The following PCDH17 variants were observed in gnomAD, a reference collection of about 807,000 sequenced individuals.
The protein encoded by PCDH17 is protocadherin-17.
Under a neutral mutation model 67.7 loss-of-function variants are expected in PCDH17, and 21 were observed. The ratio of observed to expected loss-of-function variants is 0.31; its 90% CI spans 0.22 to 0.45. The LOEUF (loss-of-function observed/expected upper bound fraction) is 0.45. Ranked by LOEUF, PCDH17 falls within the 20% of genes least tolerant of loss-of-function variation. The pLI, the probability that PCDH17 is intolerant of heterozygous loss-of-function variation, is 1.00. For synonymous variants in PCDH17, 701 were observed against 656.7 expected (o/e 1.07, Z -1.03); for missense variants, 1,471 against 1,564.8 (o/e 0.94, Z 1.01).
At chr13:57,718,162 T>A (rs1955838987) in intron 3 of PCDH17, among the ~76,000 whole-genome samples, 1 of 152,074 alleles carries the variant, frequency 6.6e-6, no homozygotes, top group African/African-American at 2.4e-5. Context: ...ATAGCTTAGC[T>A]AAGCAAGGGA....
chr13:57,682,369 A>G (rs551821603), intron 3 of PCDH17, among the ~76,000 whole-genome samples: 2 of 151,856 alleles, frequency 1.3e-5, no homozygotes, highest in East Asian at 3.9e-4. Flanking sequence ...AGGTGGTCAC[A>G]TGTATTCTCT....
intron 3 of PCDH17, among the ~76,000 whole-genome samples, chr13:57,710,986 A>G (rs1338194392): frequency 6.6e-6 from 1 of 151,968 alleles, no homozygotes; most frequent in African/African-American, 2.4e-5. Context: ...GTGCATGCAC[A>G]CACACACACA....
intron 3 of PCDH17, among the ~76,000 whole-genome samples, chr13:57,698,535 C>T (rs1225809664): frequency 6.6e-6 from 1 of 151,900 alleles, no homozygotes; most frequent in African/African-American, 2.4e-5. Flanking sequence ...TATTCCTGCT[C>T]ATGTTACTGA....
Position 57,634,968 on chromosome 13 carries a change from T to C in PCDH17, c.2422T>C (p.Ser808Pro). 1 of 1,613,826 alleles carries C rather than the reference T, an allele frequency of 6.2e-7. No individual in the cohort carries two copies. The highest frequency in any genetic ancestry group is 8.5e-7 in the Non-Finnish European group (1 of 1,179,994). Residue 808 changes from serine to proline, a missense_variant, in exon 1 of 4, where the codon TCG (serine) becomes CCG (proline). Around this residue, in one of 3 missense-constraint regions of PCDH17, gnomAD observed 1,163 missense variants for 1,230.0 expected, o/e 0.95. Transcript: ENST00000377918. The surrounding 1 kb of genome is among the most constrained non-coding windows in gnomAD (Gnocchi z 7.8). ...FDYQTRLPLS[S>P]PRSEVMYLKP... is the part of the protein sequence containing the mutation. ...CTACCAGACCCGCCTGCCCCTCAGCTCGCCCCGGTCGGAGGTGATGTATCT... is the reference window on the plus strand; with the variant it reads ...CTACCAGACCCGCCTGCCCCTCAGCCCGCCCCGGTCGGAGGTGATGTATCT...
At position 57,683,869 on chromosome 13, in the gene PCDH17, C is replaced by T. The variant is rs549817678; in HGVS notation, c.2797+17036C>T. On this transcript the variant is annotated intron_variant, in intron 3 of 3. Transcript: ENST00000377918. Reference sequence around the variant, plus strand: ...AAAACCATCAATTTAGGTAAGTTCACCTAAACCAATTGAGATGTGTAGAAA... The same window carrying T: ...AAAACCATCAATTTAGGTAAGTTCATCTAAACCAATTGAGATGTGTAGAAA... 1.6e-4 allele frequency among the ~76,000 whole-genome samples: 24 copies of T among 151,846 alleles called. No individual in the cohort carries two copies. The South Asian group carries it at 5.0e-3, about 31-fold the overall frequency.
chr13:57,669,452 G>T, intron 3 of PCDH17, among the ~76,000 whole-genome samples: 1 of 150,662 alleles, frequency 6.6e-6, no homozygotes, highest in African/African-American at 2.4e-5. Flanking sequence ...ATATTTCTTT[G>T]TCTACTTCTC....
chr13:57,670,380 T>C (rs1392467372), intron 3 of PCDH17, among the ~76,000 whole-genome samples: 1 of 151,680 alleles, frequency 6.6e-6, no homozygotes, highest in Admixed American at 6.6e-5. Flanking sequence ...CTAATTTTAA[T>C]AGTTTCAAAA....
intron 3 of PCDH17, among the ~76,000 whole-genome samples, chr13:57,707,554 T>A (rs1955732595): frequency 6.6e-6 from 1 of 152,022 alleles, no homozygotes; most frequent in Admixed American, 6.6e-5. Context: ...ACTTCTACAT[T>A]TTTAGATATT....
rs1266200901 is a variant in PCDH17 at position 57,728,977 on chromosome 13, A to T, written c.*3683A>T. 6.6e-6 allele frequency: 1 copy of T among 152,306 alleles called. No homozygotes were observed. Among genetic ancestry groups the T allele is most frequent in the African/African-American group, 2.4e-5 (1 of 41,460 alleles). The allele number at this position is 152,306 out of a possible 1,614,324, so 9.4% of individuals were successfully genotyped here. On this transcript the variant is annotated 3_prime_UTR_variant, in exon 4 of 4. Transcript: ENST00000377918. ...GGCATAATATATGCCCAGTCATAAT[A>T]GTCTAATTATATTCTTTTGACAACA...
chr13:57,720,486 T>C (rs1425008422), intron 3 of PCDH17, among the ~76,000 whole-genome samples: 1 of 151,978 alleles, frequency 6.6e-6, no homozygotes. Flanking sequence ...TGTTATTTTA[T>C]TTACAATAAT....
At chr13:57,683,894 A>G (rs911662964) in intron 3 of PCDH17, among the ~76,000 whole-genome samples, 7 of 151,988 alleles carry the variant, frequency 4.6e-5, no homozygotes, top group Non-Finnish European at 1.5e-5. Context: ...ATGTGTAGAA[A>G]ATAATGATAG....
chr13:57,656,786 G>C (rs1955111117), intron 1 of PCDH17, among the ~76,000 whole-genome samples: 1 of 152,112 alleles, frequency 6.6e-6, no homozygotes, highest in Non-Finnish European at 1.5e-5. Context: ...TTTGAATAGG[G>C]CTGAGATGAA....
intron 3 of PCDH17, among the ~76,000 whole-genome samples, chr13:57,695,601 C>T (rs536484486): frequency 3.2e-4 from 48 of 151,120 alleles, no homozygotes; most frequent in Non-Finnish European, 6.1e-4. Context: ...CAATTTTTAA[C>T]ATATAGTCTG....
In PCDH17 at chr13:57,725,040, A is replaced by T; in HGVS notation, c.3226A>T (p.Ser1076Cys). 6.2e-7 allele frequency: 1 copy of T among 1,614,192 alleles called. No individual in the cohort carries two copies. The highest frequency in any genetic ancestry group is 8.5e-7 in the Non-Finnish European group (1 of 1,180,022). The change falls in exon 4 of 4, where the codon AGT becomes TGT. Residue 1076 changes from serine (S) to cysteine (C), a missense_variant. By Grantham distance (112) the Ser-to-Cys change is moderately radical. Transcript: ENST00000377918. ...AAGCAGTCAGTACTTGCCCACTGAC[A>T]GTCAATATCTGTCACCTAGTAAGCA... ...EASSQYLPTD[S>C]QYLSPSKQPR...
At chr13:57,669,031 C>G (rs1296964744) in intron 3 of PCDH17, among the ~76,000 whole-genome samples, 2 of 151,952 alleles carry the variant, frequency 1.3e-5, no homozygotes, top group Admixed American at 1.3e-4. Flanking sequence ...TGATGTTCCC[C>G]TTCCTGTGTC....
intron 3 of PCDH17, among the ~76,000 whole-genome samples, chr13:57,708,991 G>A (rs1170264022): frequency 1.3e-5 from 2 of 151,148 alleles, no homozygotes; most frequent in East Asian, 3.9e-4. Flanking sequence ...CTCATAAAAA[G>A]CAAAACAAAA....
At chr13:57,657,873 AC>A (rs1280584787) in intron 1 of PCDH17, among the ~76,000 whole-genome samples, 3 of 152,186 alleles carry the variant, frequency 2.0e-5, no homozygotes, top group African/African-American at 7.2e-5. Flanking sequence ...TTATTTTTAG[AC>A]AAAATGTTGT....
At position 57,727,792 on chromosome 13, in the gene PCDH17, T is replaced by C. The variant is rs1221357844; in HGVS notation, c.*2498T>C. The C allele has an allele frequency of 1.3e-5, 2 of 152,200 alleles. No individual in the cohort carries two copies. Among genetic ancestry groups the C allele is most frequent in the Non-Finnish European group, 2.9e-5 (2 of 68,004 alleles). 9.4% of individuals were successfully genotyped at this position (152,200 alleles called of 1,614,324 possible). ...TAGCTGAAATTTGATGGAAAACTGATTTCCATTTAGTCTTACCAAGTGTTG... is the reference window on the plus strand; with the variant it reads ...TAGCTGAAATTTGATGGAAAACTGACTTCCATTTAGTCTTACCAAGTGTTG... On this transcript the variant is annotated 3_prime_UTR_variant, in exon 4 of 4. Transcript: ENST00000377918.
chr13:57,665,523 T>C (rs1022410986), intron 1 of PCDH17, among the ~76,000 whole-genome samples: 1 of 152,108 alleles, frequency 6.6e-6, no homozygotes, highest in Non-Finnish European at 1.5e-5. Flanking sequence ...GATAATCTTG[T>C]AGGAACCCAT....
Sources: allele counts gnomAD v4.1 joint callset (sites outside exome capture counted in the v4.1 genomes callset), GRCh38; gene constraint gnomAD v4.1.1; regional missense constraint gnomAD v4.1.1; non-coding constraint Gnocchi (gnomAD v3.1); transcripts MANE v1.5; gene names NCBI Gene and HGNC (gene_info 2026-07-23, HGNC 2026-07-21).